TMEM40: variants seen among roughly 807,000 people sequenced by gnomAD.
TMEM40 encodes the protein transmembrane protein 40.
TMEM40 carries 34 observed loss-of-function variants against 40.8 expected under a neutral mutation model. The ratio of observed to expected loss-of-function variants is 0.83; its 90% CI spans 0.63 to 1.11. The LOEUF (loss-of-function observed/expected upper bound fraction) is 1.11. Among genes scored for constraint, TMEM40 ranks in the 50% least tolerant of loss-of-function variants. The pLI is 0.00. For missense variants in TMEM40, 296 were observed against 280.2 expected (o/e 1.06, Z -0.40); for synonymous variants, 106 against 107.0 (o/e 0.99, Z 0.06).
chr3:12,765,566 C>CT lies in TMEM40; in HGVS notation c.-9+3684dup, dbSNP rs530745103. The stretch of plus-strand genomic sequence containing the variant: ...CTAAAGAAAAATGGCTGTTTGATTA[C>CT]TTTTTTTTTTTTTTTTTTTGAGACG... On this transcript the variant is annotated intron_variant, in intron 1 of 11. Transcript: ENST00000264728. Among the ~76,000 whole-genome samples the CT allele has an allele frequency of 2.1e-3, 263 of 125,706 alleles. 4 individuals are homozygous for CT. In the East Asian group the frequency reaches 0.03, roughly 14 times the overall value. The allele number at this position is 125,706 out of a possible 152,430, so 82.5% of individuals were successfully genotyped here. A position where few individuals can be genotyped will look rare whatever the true frequency, so the allele number is the denominator to read the frequency against.
upstream of TMEM40, among the ~76,000 whole-genome samples, chr3:12,762,523 G>A (rs750649354): frequency 1.3e-5 from 2 of 152,062 alleles, no homozygotes; most frequent in Non-Finnish European, 2.9e-5. Context: ...ACAGGGGAGA[G>A]CCTACAGAGT....
chr3:12,738,603 A>G lies in TMEM40; in HGVS notation c.356-15T>C. On this transcript the variant is annotated splice_polypyrimidine_tract_variant and intron_variant, in intron 5 of 11. Coordinates refer to ENST00000314124, the MANE Select transcript of TMEM40 (RefSeq NM_018306.4). ...TCCAGGAGCATCTGCACAGAAAGGA[A>G]ATCAGTGATCATATACCCATGATCC... The G allele has an allele frequency of 6.2e-7, 1 of 1,612,524 alleles. No individual in the cohort carries two copies. The highest frequency in any genetic ancestry group is 8.5e-7 in the Non-Finnish European group (1 of 1,178,666).
chr3:12,741,052 T>A (rs2061378358), intron 5 of TMEM40, among the ~76,000 whole-genome samples: 1 of 152,176 alleles, frequency 6.6e-6, no homozygotes, highest in Non-Finnish European at 1.5e-5. Context: ...AACTCCAAGC[T>A]CATGCCATCT....
rs377712522 is a variant in TMEM40, at chr3:12,733,532, G to A, written c.*1242C>T. 24 of 152,220 alleles carry A rather than the reference G, an allele frequency of 1.6e-4. 2 individuals carry two copies. The highest frequency in any genetic ancestry group is 3.4e-3 in the Middle Eastern group (1 of 294). 9.4% of individuals were successfully genotyped at this position (152,220 alleles called of 1,614,324 possible). A position where few individuals can be genotyped will look rare whatever the true frequency, so the allele number is the denominator to read the frequency against. ...AAGTCAGTAAGTTCATACTTCTATC[G>A]TGAAAACTGTGTTTTATTTATATGT... On this transcript the variant is annotated 3_prime_UTR_variant, in exon 12 of 12. Coordinates refer to ENST00000314124, the MANE Select transcript of TMEM40 (RefSeq NM_018306.4).
At chr3:12,757,776 A>G (rs1379650522) in intron 1 of TMEM40, among the ~76,000 whole-genome samples, 1 of 152,210 alleles carries the variant, frequency 6.6e-6, no homozygotes, top group East Asian at 1.9e-4. Flanking sequence ...TATCCGAACA[A>G]AGACTTGTAA....
chr3:12,743,775 G>T, intron 4 of TMEM40, 125 bp downstream of exon 4: 1 of 868,720 alleles, frequency 1.2e-6, no homozygotes, highest in Non-Finnish European at 1.8e-6. Flanking sequence ...TTCTGCTGCT[G>T]TCAGGCTATT....
Position 12,749,755 on chromosome 3 carries a change from C to T in TMEM40, c.73+5G>A, listed in dbSNP as rs149474579. The T allele has an allele frequency of 1.4e-4, 224 of 1,613,158 alleles. No homozygotes were observed. The highest frequency in any genetic ancestry group is 1.3e-3 in the East Asian group (58 of 44,874). On this transcript the variant is annotated splice_donor_5th_base_variant and intron_variant, in intron 2 of 11. Transcript: ENST00000314124. ...TGCCCAGAGGGTCAGAGAAGGCAAA[C>T]GTACAGTCTACATCTTCTGTTTCTC... is the stretch of plus-strand genomic sequence containing the variant.
intron 4 of TMEM40, 146 bp downstream of exon 4, chr3:12,743,754 T>A: frequency 1.4e-6 from 1 of 698,686 alleles, no homozygotes; most frequent in East Asian, 2.9e-5. Context: ...GGGTGTAGCA[T>A]CCTTTATCTA....
intron 1 of TMEM40, among the ~76,000 whole-genome samples, chr3:12,752,170 C>G (rs1413630090): frequency 6.6e-6 from 1 of 152,116 alleles, no homozygotes; most frequent in East Asian, 1.9e-4. Flanking sequence ...CTCACTGCAG[C>G]CTTGAACTCC....
intron 5 of TMEM40, 40 bp downstream of exon 5, chr3:12,742,414 G>A (rs368638409): frequency 3.4e-5 from 54 of 1,606,436 alleles, no homozygotes; most frequent in Middle Eastern, 1.7e-4. Context: ...CTTTTCCTTC[G>A]TCTAATTGTT....
chr3:12,740,381 C>T (rs972397630), intron 5 of TMEM40, among the ~76,000 whole-genome samples: 8 of 151,468 alleles, frequency 5.3e-5, no homozygotes, highest in Admixed American at 1.3e-4. Flanking sequence ...TGAGCCACAG[C>T]GCCTGGCCAC....
At chr3:12,748,064 C>A (rs2061443084) in intron 3 of TMEM40, among the ~76,000 whole-genome samples, 1 of 152,016 alleles carries the variant, frequency 6.6e-6, no homozygotes, top group Non-Finnish European at 1.5e-5. Context: ...GCATGATAAA[C>A]CTGGGAGGGG....
chr3:12,753,942 C>G (rs2061498628), intron 1 of TMEM40, among the ~76,000 whole-genome samples: 1 of 152,172 alleles, frequency 6.6e-6, no homozygotes. Context: ...GCACTCTCCT[C>G]TCCCAGCTCT....
upstream of TMEM40, among the ~76,000 whole-genome samples, chr3:12,761,342 C>T (rs149588944): frequency 5.2e-3 from 796 of 152,320 alleles, 1 homozygote; most frequent in South Asian, 9.7e-3. Context: ...CCGTGGCTCA[C>T]GCCTATAATC....
chr3:12,736,224 C>G lies in TMEM40; in HGVS notation c.619+354G>C, dbSNP rs561261179. ...AGTGCAGTGGCACAAGCTTGGCTCA[C>G]TGCAACCTCCGCCTCCTGGGTTCAA... is the stretch of plus-strand genomic sequence containing the variant. On this transcript the variant is annotated intron_variant, in intron 10 of 11. Transcript: ENST00000314124. Among the ~76,000 whole-genome samples the G allele has an allele frequency of 9.2e-5, 14 of 151,726 alleles. No homozygotes were observed. The South Asian group carries it at 2.9e-3, about 32-fold the overall frequency.
chr3:12,737,164 G>A (rs2061343701), intron 8 of TMEM40, among the ~76,000 whole-genome samples: 1 of 150,594 alleles, frequency 6.6e-6, no homozygotes, highest in African/African-American at 2.4e-5. Flanking sequence ...ACAGCTGTGA[G>A]CCACCATGCC....
intron 10 of TMEM40, 130 bp from the exon 11 acceptor site, chr3:12,735,747 T>C (rs1287855113): frequency 7.1e-6 from 5 of 703,858 alleles, no homozygotes; most frequent in Non-Finnish European, 1.2e-5. Flanking sequence ...CAGGTTAAGC[T>C]TAGATAATGG....
intron 1 of TMEM40, among the ~76,000 whole-genome samples, chr3:12,768,830 G>A (rs181582690): frequency 0.014 from 2,105 of 151,294 alleles, 46 homozygotes; most frequent in African/African-American, 0.045. Context: ...GGGACCGGGC[G>A]CCGTGGAGCA....
Position 12,737,737 on chromosome 3 carries a change from G to T in TMEM40, c.442C>A (p.Gln148Lys). The change falls in exon 8 of 12, where the codon CAG becomes AAG. Residue 148 changes from glutamine (Q) to lysine (K), a missense_variant. By Grantham distance (53) the Gln-to-Lys change is moderately conservative (BLOSUM62 1). Transcript: ENST00000314124. ...TTCTTTATATTCAGTCTTCTTAACT[G>T]AGAGGCCTCCACTTCTCCTTAAGAA... ...DPASGEVEASQLRRLNIKKDD... is the reference protein window; with the variant it reads ...DPASGEVEASKLRRLNIKKDD... 6.2e-7 allele frequency: 1 copy of T among 1,613,986 alleles called. No homozygotes were observed. The highest frequency in any genetic ancestry group is 2.2e-5 in the East Asian group (1 of 44,888).
Sources: gnomAD v4.1 joint callset for allele counts (sites outside exome capture counted in the v4.1 genomes callset) on GRCh38, gnomAD v4.1.1 for gene constraint, MANE v1.5 for transcripts, NCBI Gene and HGNC (gene_info 2026-07-23, HGNC 2026-07-21) for gene names.